The following FAM193A variants were observed in gnomAD, a reference collection of about 807,000 sequenced individuals.
FAM193A encodes family with sequence similarity 193 member A.
FAM193A carries 22 observed loss-of-function variants against 126.5 expected under a neutral mutation model. That is an observed-to-expected ratio of 0.17 (90% CI 0.12 to 0.25). The LOEUF (loss-of-function observed/expected upper bound fraction) is 0.25, where lower values mean the gene tolerates loss of function less well. FAM193A is among the 10% of genes least tolerant of loss of function. The probability of loss-of-function intolerance (pLI) is 1.00; values close to 1 mark genes in which losing one functional copy is unlikely to be tolerated. For synonymous variants in FAM193A, 761 were observed against 646.8 expected, an observed-to-expected ratio of 1.18 and a Z score of -2.68; for missense variants, 1,675 against 1,672.8, an observed-to-expected ratio of 1.00 and a Z score of -0.02.
At chr4:2,614,521 G>C (rs1330705443) in intron 2 of FAM193A, among the ~76,000 whole-genome samples, 1 of 152,106 alleles carries the variant, frequency 6.6e-6, no homozygotes, top group Non-Finnish European at 1.5e-5. Flanking sequence ...CTAATGTTTT[G>C]TTAAGGATTT....
At chr4:2,645,640 T>G (rs1391141838) in intron 6 of FAM193A, among the ~76,000 whole-genome samples, 1 of 152,030 alleles carries the variant, frequency 6.6e-6, no homozygotes, top group Non-Finnish European at 1.5e-5. Flanking sequence ...GATTCTTCTG[T>G]CTCAGCCTCC....
At chr4:2,725,742 T>G (rs1264817814) in intron 20 of FAM193A, among the ~76,000 whole-genome samples, 1 of 151,746 alleles carries the variant, frequency 6.6e-6, no homozygotes, top group Non-Finnish European at 1.5e-5. Flanking sequence ...GCAATAGTCT[T>G]GCTCTGTCAC....
chr4:2,575,541 G>A (rs1367652771), intron 1 of FAM193A, among the ~76,000 whole-genome samples: 3 of 145,352 alleles, frequency 2.1e-5, no homozygotes, highest in Non-Finnish European at 3.0e-5. Flanking sequence ...ATCTCGGCTC[G>A]CTGCAACCTC....
In FAM193A at chr4:2,586,609, C is replaced by T. The variant is rs143727359; in HGVS notation, c.256-9475C>T. On this transcript the variant is annotated intron_variant, in intron 1 of 20. Transcript: ENST00000637812. ...CCTTGATTCTATATTCCTTCGTCTA[C>T]TTTTCTATCCTTGAGCGGCCAGTAC... Among the ~76,000 whole-genome samples, 210 of 152,248 alleles carry T rather than the reference C, an allele frequency of 1.4e-3. 1 individual carries two copies. Among genetic ancestry groups the T allele is most frequent in the African/African-American group, 4.9e-3 (205 of 41,544 alleles).
intron 13 of FAM193A, among the ~76,000 whole-genome samples, chr4:2,684,404 CTTTATA>C (rs1235139031): frequency 6.6e-6 from 1 of 151,568 alleles, no homozygotes; most frequent in Non-Finnish European, 1.5e-5. Context: ...CTTAGTAGCT[CTTTATA>C]TTCTCTTGTT....
At chr4:2,598,997 G>A (rs1019284872) in intron 2 of FAM193A, among the ~76,000 whole-genome samples, 2 of 152,184 alleles carry the variant, frequency 1.3e-5, no homozygotes, top group African/African-American at 2.4e-5. Flanking sequence ...GGGTCTGACC[G>A]GCCCCGTGTC....
chr4:2,618,989 C>T (rs932158311), intron 2 of FAM193A, among the ~76,000 whole-genome samples: 3 of 152,160 alleles, frequency 2.0e-5, no homozygotes, highest in African/African-American at 7.2e-5. Context: ...GCCTTGGCCT[C>T]CCAAAATGCT....
chr4:2,693,133 A>C (rs964453610), intron 15 of FAM193A, among the ~76,000 whole-genome samples: 8 of 151,898 alleles, frequency 5.3e-5, no homozygotes, highest in Non-Finnish European at 1.0e-4. Context: ...ATCCTCCTGC[A>C]TCAGCCTCCC....
At chr4:2,552,823 C>T (rs1284598541) in intron 1 of FAM193A, among the ~76,000 whole-genome samples, 1 of 151,258 alleles carries the variant, frequency 6.6e-6, no homozygotes, top group Non-Finnish European at 1.5e-5. Context: ...AGGTGTGAGC[C>T]ACCGCGCCCG....
intron 6 of FAM193A, among the ~76,000 whole-genome samples, chr4:2,644,448 G>T (rs1188678743): frequency 5.3e-5 from 8 of 152,166 alleles, no homozygotes; most frequent in African/African-American, 1.9e-4. Flanking sequence ...TGGCAGAGAA[G>T]AAGTGGGAGA....
In FAM193A at chr4:2,718,804, A is replaced by G. The variant is rs540518868; in HGVS notation, c.4454+2700A>G. Among the ~76,000 whole-genome samples, 7 of 152,302 alleles carry G rather than the reference A, an allele frequency of 4.6e-5. No homozygotes were observed. The East Asian group carries it at 1.3e-3, about 29-fold the overall frequency. Reference sequence around the variant, plus strand: ...CTACAGATACTGGAGAGATTAAAATAAGAGAACACTGGGAACAACTTCATT... The same window carrying G: ...CTACAGATACTGGAGAGATTAAAATGAGAGAACACTGGGAACAACTTCATT... On this transcript the variant is annotated intron_variant, in intron 20 of 20. Transcript: ENST00000637812.
chr4:2,677,707 C>T (rs1577188277), intron 13 of FAM193A, among the ~76,000 whole-genome samples: 1 of 149,314 alleles, frequency 6.7e-6, no homozygotes, highest in African/African-American at 2.5e-5. Context: ...CGCCATTGCA[C>T]TCCAGCCTGG....
intron 5 of FAM193A, among the ~76,000 whole-genome samples, chr4:2,633,791 G>A (rs35910936): frequency 0.087 from 13,280 of 152,166 alleles, 1,084 homozygotes; most frequent in African/African-American, 0.21. Context: ...TACTTGGGAG[G>A]CTGAGGCAGG....
chr4:2,608,649 G>A (rs982581326), intron 2 of FAM193A, among the ~76,000 whole-genome samples: 1 of 152,176 alleles, frequency 6.6e-6, no homozygotes, highest in African/African-American at 2.4e-5. Flanking sequence ...GCTTTGAGGA[G>A]AGTGTTGGTT....
At chr4:2,600,050 ACAC>A (rs1399910071) in intron 2 of FAM193A, among the ~76,000 whole-genome samples, 5 of 152,012 alleles carry the variant, frequency 3.3e-5, no homozygotes, top group African/African-American at 1.2e-4. Context: ...TAGGCGCGCA[ACAC>A]CACACCTGGC....
intron 8 of FAM193A, among the ~76,000 whole-genome samples, chr4:2,658,730 C>G (rs1712020870): frequency 6.6e-6 from 1 of 151,658 alleles, no homozygotes; most frequent in Non-Finnish European, 1.5e-5. Context: ...TTTCCCCATT[C>G]TGCATGTGTC....
intron 2 of FAM193A, among the ~76,000 whole-genome samples, chr4:2,612,857 T>A (rs1741959095): frequency 6.6e-6 from 1 of 152,248 alleles, no homozygotes; most frequent in Non-Finnish European, 1.5e-5. Flanking sequence ...TACATAGATG[T>A]CTACCAACTT....
At chr4:2,720,665 CAG>C (rs1322665637) in intron 20 of FAM193A, among the ~76,000 whole-genome samples, 4 of 141,422 alleles carry the variant, frequency 2.8e-5, no homozygotes, top group South Asian at 4.5e-4. Flanking sequence ...AAAAAAAAAA[CAG>C]TTATTTTTCT....
chr4:2,654,998 A>G, intron 7 of FAM193A: 3 of 606,592 alleles, frequency 4.9e-6, no homozygotes, highest in South Asian at 3.8e-5. Flanking sequence ...TCTTCTACAA[A>G]TAATGATAGG....
Sources: allele counts gnomAD v4.1 joint callset (sites outside exome capture counted in the v4.1 genomes callset), GRCh38; gene constraint gnomAD v4.1.1; transcripts MANE v1.5; gene names NCBI Gene and HGNC (gene_info 2026-07-23, HGNC 2026-07-21).